AFF1: variants seen among roughly 807,000 people sequenced by gnomAD.
AFF1 encodes the protein ALF transcription elongation factor 1, also known as AF4/FMR2 family member 1.
In AFF1, 48 loss-of-function variants were observed where a neutral mutation model predicts 121.7. That is an observed-to-expected ratio of 0.39 (90% CI 0.31 to 0.50). The LOEUF (loss-of-function observed/expected upper bound fraction) is 0.50. AFF1 is among the 20% of genes least tolerant of loss of function. The pLI, the probability that AFF1 is intolerant of heterozygous loss-of-function variation, is 0.76. For missense variants in AFF1, 1,523 were observed against 1,511.7 expected (o/e 1.01, Z -0.12); for synonymous variants, 613 against 563.0 (o/e 1.09, Z -1.26).
intron 2 of AFF1, among the ~76,000 whole-genome samples, chr4:86,990,134 C>A (rs1416059286): frequency 6.6e-6 from 1 of 150,546 alleles, no homozygotes; most frequent in African/African-American, 2.4e-5. Flanking sequence ...ATGTAACCTG[C>A]ACGTTCTGCC....
chr4:87,069,469 G>T (rs573933256), intron 4 of AFF1, among the ~76,000 whole-genome samples: 1 of 126,792 alleles, frequency 7.9e-6, no homozygotes. Flanking sequence ...CCTCCCTCTC[G>T]TCTCTCTTCC....
chr4:87,041,482 T>A (rs62306510), intron 2 of AFF1, among the ~76,000 whole-genome samples: 20,444 of 152,224 alleles, frequency 0.13, 1,855 homozygotes, highest in Middle Eastern at 0.23. Flanking sequence ...TCTGTAGGTC[T>A]CTGTGATCTG....
intron 2 of AFF1, among the ~76,000 whole-genome samples, chr4:87,043,482 G>A (rs912712592): frequency 1.4e-4 from 21 of 152,170 alleles, no homozygotes; most frequent in African/African-American, 4.8e-4. Context: ...TGCTTACTTG[G>A]CTTCTATGGT....
intron 13 of AFF1, 50 bp from the exon 14 acceptor site, chr4:87,126,049 C>G (rs374178859): frequency 6.4e-7 from 1 of 1,563,354 alleles, no homozygotes; most frequent in Admixed American, 1.7e-5. Context: ...AACGAAGCCG[C>G]TTGATGTGTA....
rs1481962803 is a variant in AFF1, at chr4:86,935,033, G to C, written c.-244G>C. 3.3e-5 allele frequency: 5 copies of C among 151,878 alleles called. No individual in the cohort carries two copies. Among genetic ancestry groups the C allele is most frequent in the Admixed American group, 2.0e-4 (3 of 15,242 alleles). 9.4% of individuals were successfully genotyped at this position (151,878 alleles called of 1,614,324 possible). A position where few individuals can be genotyped will look rare whatever the true frequency, so the allele number is the denominator to read the frequency against. On this transcript the variant is annotated 5_prime_UTR_variant, in exon 1 of 21. Transcript: ENST00000395146. Reference sequence around the variant, plus strand: ...GCCAGCCAGCTAGCGAGCGACGGGCGCGCGCGGCCCCTGCGCACTCGGCCG... The same window carrying C: ...GCCAGCCAGCTAGCGAGCGACGGGCCCGCGCGGCCCCTGCGCACTCGGCCG...
chr4:86,997,290 G>A (rs2149515008), intron 2 of AFF1, among the ~76,000 whole-genome samples: 1 of 152,274 alleles, frequency 6.6e-6, no homozygotes, highest in Non-Finnish European at 1.5e-5. Flanking sequence ...GTCACTTTGG[G>A]ACTCTAGAGT....
At position 86,998,357 on chromosome 4, in the gene AFF1, A is replaced by G. The variant is rs1725409379; in HGVS notation, c.39-47809A>G. Among the ~76,000 whole-genome samples the G allele has an allele frequency of 1.3e-5, 2 of 152,132 alleles. 1 individual carries two copies. The highest frequency in any genetic ancestry group is 2.9e-5 in the Non-Finnish European group (2 of 68,012). ...TGGAGAAGTGGATTAGATGACCCTT[A>G]CCTCCTTCCTGGAACTAAGACTTGA... On this transcript the variant is annotated intron_variant, in intron 2 of 20. Coordinates refer to ENST00000395146, the MANE Select transcript of AFF1 (RefSeq NM_001166693.3).
At chr4:87,082,788 A>G (rs1365494990) in intron 4 of AFF1, among the ~76,000 whole-genome samples, 1 of 152,150 alleles carries the variant, frequency 6.6e-6, no homozygotes, top group Non-Finnish European at 1.5e-5. Flanking sequence ...TGTATGCTCT[A>G]TTTCCTTTTT....
At chr4:86,939,594 G>GC in intron 1 of AFF1, among the ~76,000 whole-genome samples, 1 of 152,284 alleles carries the variant, frequency 6.6e-6, no homozygotes, top group East Asian at 1.9e-4. Context: ...TTACGGACTA[G>GC]CTGCCTTAGT....
At chr4:87,000,763 G>A (rs944236344) in intron 2 of AFF1, among the ~76,000 whole-genome samples, 23 of 151,916 alleles carry the variant, frequency 1.5e-4, no homozygotes, top group African/African-American at 5.6e-4. Flanking sequence ...TTTTATTAAT[G>A]CACAAATAGG....
intron 2 of AFF1, among the ~76,000 whole-genome samples, chr4:86,968,859 G>A (rs1004261381): frequency 6.6e-6 from 1 of 152,194 alleles, no homozygotes; most frequent in Non-Finnish European, 1.5e-5. Context: ...TGGGGGGTTG[G>A]TGCTGGGTTG....
intron 12 of AFF1, among the ~76,000 whole-genome samples, chr4:87,117,282 T>A (rs1046584787): frequency 3.3e-5 from 5 of 152,200 alleles, no homozygotes; most frequent in Non-Finnish European, 7.3e-5. Flanking sequence ...ATCTTTCTGT[T>A]TAGAGCATGC....
Position 86,948,519 on chromosome 4 carries a change from C to G in AFF1, c.-15C>G. 6.5e-7 allele frequency: 1 copy of G among 1,536,544 alleles called. No individual in the cohort carries two copies. The highest frequency in any genetic ancestry group is 8.7e-7 in the Non-Finnish European group (1 of 1,146,420). On this transcript the variant is annotated 5_prime_UTR_variant, in exon 2 of 21. Transcript: ENST00000395146. ...TCAGATGAACAGACTAGCCACTTTG[C>G]ATTGACTGGAAACAATGGCATTTAC...
intron 2 of AFF1, among the ~76,000 whole-genome samples, chr4:86,976,188 A>G (rs1449461717): frequency 1.3e-5 from 2 of 152,168 alleles, no homozygotes; most frequent in Non-Finnish European, 2.9e-5. Flanking sequence ...AGGGCTTTCC[A>G]TGCAGAAGCA....
At chr4:87,125,646 C>T (rs541775786) in intron 13 of AFF1, among the ~76,000 whole-genome samples, 28 of 152,228 alleles carry the variant, frequency 1.8e-4, no homozygotes, top group East Asian at 1.7e-3. Context: ...GCCAGGAAGA[C>T]GTAAATATAA....
chr4:87,111,012 A>ATTTTTTTTTTTTTTTTTTTTTTT (rs1281817683), intron 11 of AFF1, among the ~76,000 whole-genome samples: 1 of 29,278 alleles, frequency 3.4e-5, no homozygotes, highest in African/African-American at 8.9e-5. Flanking sequence ...TTTTTTTTTT[A>ATTTTTTTTTTTTTTTTTTTTTTT]TTTTTTTTTT....
intron 8 of AFF1, among the ~76,000 whole-genome samples, chr4:87,099,096 C>T (rs1259891989): frequency 6.6e-6 from 1 of 152,178 alleles, no homozygotes; most frequent in East Asian, 1.9e-4. Flanking sequence ...TCATGCTTAG[C>T]CTAAGGAAAT....
In AFF1 at chr4:87,015,149, C is replaced by G. The variant is rs550044643; in HGVS notation, c.39-31017C>G. On this transcript the variant is annotated intron_variant, in intron 2 of 20. Transcript: ENST00000395146. ...GTCATTGGTATAAAGTAAGCTAAAG[C>G]TCTGTCCTTTTATATTTTTTCAGGT... Among the ~76,000 whole-genome samples, 9 of 152,142 alleles carry G rather than the reference C, an allele frequency of 5.9e-5. 1 individual carries two copies. Among genetic ancestry groups the G allele is most frequent in the Admixed American group, 5.9e-4 (9 of 15,270 alleles).
In AFF1 at chr4:87,041,808, AGTTTGAGACCCGT is replaced by A. The variant is rs566919276; in HGVS notation, c.39-4355_39-4343del. Among the ~76,000 whole-genome samples, 286 of 152,274 alleles carry A rather than the reference AGTTTGAGACCCGT, an allele frequency of 1.9e-3. 1 individual carries two copies. The highest frequency in any genetic ancestry group is 6.5e-3 in the African/African-American group (272 of 41,558). ...GGTGGGTGGATCACTTGAGGTCAGG[AGTTTGAGACCCGT>A]GTGGCCAACTTGGTGAAACCCTGTC... is the stretch of plus-strand genomic sequence containing the variant. On this transcript the variant is annotated intron_variant, in intron 2 of 20. Coordinates refer to ENST00000395146, the MANE Select transcript of AFF1 (RefSeq NM_001166693.3).
Sources: allele counts gnomAD v4.1 joint callset (sites outside exome capture counted in the v4.1 genomes callset), GRCh38; gene constraint gnomAD v4.1.1; transcripts MANE v1.5; gene names NCBI Gene and HGNC (gene_info 2026-07-23, HGNC 2026-07-21).